GRXCR2: variants seen among roughly 807,000 people sequenced by gnomAD.
GRXCR2 encodes the protein glutaredoxin and cysteine rich domain containing 2, also known as glutaredoxin domain-containing cysteine-rich protein 2.
A neutral mutation model predicts 24.8 loss-of-function variants in GRXCR2; 23 were observed. The ratio of observed to expected loss-of-function variants is 0.93; its 90% CI spans 0.67 to 1.32. The LOEUF (loss-of-function observed/expected upper bound fraction) is 1.32. Ranked by LOEUF, GRXCR2 falls within the 40% of genes most tolerant of loss-of-function variation. GRXCR2 has a pLI of 0.00. For synonymous variants in GRXCR2, 130 were observed against 116.1 expected (o/e 1.12, Z -0.77); for missense variants, 315 against 303.4 (o/e 1.04, Z -0.28).
At chr5:145,878,156 T>G (rs1185349021) in intron 2 of GRXCR2, among the ~76,000 whole-genome samples, 1 of 152,206 alleles carries the variant, frequency 6.6e-6, no homozygotes, top group Non-Finnish European at 1.5e-5. Context: ...GGATCACACC[T>G]TCTCACCAGC....
chr5:145,882,372 A>G (rs1022607885), intron 2 of GRXCR2, among the ~76,000 whole-genome samples: 2 of 152,232 alleles, frequency 1.3e-5, no homozygotes, highest in African/African-American at 4.8e-5. Flanking sequence ...ATATGAACAG[A>G]CACTTCTCAA....
intron 2 of GRXCR2, among the ~76,000 whole-genome samples, chr5:145,908,117 C>T (rs976098126): frequency 6.6e-6 from 1 of 152,154 alleles, no homozygotes; most frequent in African/African-American, 2.4e-5. Flanking sequence ...CTTCTTTGTC[C>T]TATTTCCAAC....
chr5:145,872,894 G>A lies in GRXCR2; in HGVS notation c.75C>T (p.Ser25=), dbSNP rs144569085. The part of the protein sequence containing the change: ...KPRKVRFKIS[S]SYSGRVLKQV... Reference sequence around the variant, plus strand: ...GCTTCAATACTCGACCGCTGTAGGAGGAGGAGATTTTAAATCGTACTTTCC... The same window carrying A: ...GCTTCAATACTCGACCGCTGTAGGAAGAGGAGATTTTAAATCGTACTTTCC... Residue 25 remains serine, a synonymous_variant, in exon 1 of 3, where the codon TCC becomes TCT. Transcript: ENST00000377976. 2 of 1,614,050 alleles carry A rather than the reference G, an allele frequency of 1.2e-6. No homozygotes were observed. The highest frequency in any genetic ancestry group is 1.6e-4 in the Middle Eastern group (1 of 6,084).
chr5:145,912,255 G>A (rs1272830401), intron 2 of GRXCR2, among the ~76,000 whole-genome samples: 1 of 152,218 alleles, frequency 6.6e-6, no homozygotes, highest in Non-Finnish European at 1.5e-5. Context: ...GGAGAATACA[G>A]TGGGTCAATC....
At chr5:145,916,372 C>T (rs1757239184) in intron 2 of GRXCR2, among the ~76,000 whole-genome samples, 1 of 152,094 alleles carries the variant, frequency 6.6e-6, no homozygotes, top group African/African-American at 2.4e-5. Context: ...GACATTTTTC[C>T]AGGCTGGGGA....
At chr5:145,908,660 A>G (rs2149924775) in intron 2 of GRXCR2, among the ~76,000 whole-genome samples, 1 of 152,320 alleles carries the variant, frequency 6.6e-6, no homozygotes, top group South Asian at 2.1e-4. Context: ...ATGCTCAATT[A>G]TAATAAGCAA....
intron 2 of GRXCR2, among the ~76,000 whole-genome samples, chr5:145,894,248 T>G (rs1756914391): frequency 6.6e-6 from 1 of 151,794 alleles, no homozygotes; most frequent in Non-Finnish European, 1.5e-5. Context: ...GCAAACACAT[T>G]CAAAAGCTAG....
Position 145,859,901 on chromosome 5 carries a change from G to A in GRXCR2, c.579C>T (p.Pro193=), listed in dbSNP as rs115520168. The A allele has an allele frequency of 5.6e-4, 890 of 1,580,194 alleles. 9 individuals carry two copies. The highest frequency in any genetic ancestry group is 5.3e-3 in the East Asian group (235 of 44,404). The change falls in exon 3 of 3, where the codon CCC becomes CCT. Residue 193 remains proline, a synonymous_variant. Coordinates refer to ENST00000377976, the MANE Select transcript of GRXCR2 (RefSeq NM_001080516.2). ...CTCGGCAGTGAAAACAGCTGTCCTC[G>A]GGAATATCCCCTTCCTGCAAGAGAC... ...QNRYTQEGDI[P]EDSCFHCRGS...
At chr5:145,891,727 A>G (rs551729072) in intron 2 of GRXCR2, among the ~76,000 whole-genome samples, 1 of 152,324 alleles carries the variant, frequency 6.6e-6, no homozygotes, top group East Asian at 1.9e-4. Context: ...GCCAAACAAA[A>G]GGCAGTAGAC....
intron 2 of GRXCR2, among the ~76,000 whole-genome samples, chr5:145,862,389 G>C (rs909939706): frequency 6.6e-6 from 1 of 152,014 alleles, no homozygotes; most frequent in Non-Finnish European, 1.5e-5. Context: ...TCTTATTCTG[G>C]GTTACCACTC....
intron 2 of GRXCR2, among the ~76,000 whole-genome samples, chr5:145,907,654 G>A (rs1421718558): frequency 2.0e-5 from 3 of 152,198 alleles, no homozygotes; most frequent in Non-Finnish European, 4.4e-5. Context: ...GAGATGGTCA[G>A]CCTCTGGATC....
intron 2 of GRXCR2, among the ~76,000 whole-genome samples, chr5:145,863,343 G>A (rs1054248283): frequency 1.3e-5 from 2 of 152,212 alleles, no homozygotes; most frequent in Non-Finnish European, 2.9e-5. Flanking sequence ...AGAGTTTAAA[G>A]GACAGGCAAG....
At chr5:145,886,284 G>T (rs1019651629) in intron 2 of GRXCR2, among the ~76,000 whole-genome samples, 2 of 152,200 alleles carry the variant, frequency 1.3e-5, no homozygotes, top group Non-Finnish European at 2.9e-5. Context: ...CCAGAATGGA[G>T]AGATAGGCCA....
intron 2 of GRXCR2, among the ~76,000 whole-genome samples, chr5:145,913,339 A>G (rs967799633): frequency 2.0e-5 from 3 of 152,156 alleles, no homozygotes; most frequent in Non-Finnish European, 2.9e-5. Context: ...TCTAGGATCC[A>G]CTTCTCTTTC....
rs558346547 is a variant in GRXCR2 at position 145,907,871 on chromosome 5, A to C, written c.-70+27830T>G. On this transcript the variant is annotated intron_variant, in intron 2 of 3. Transcript: ENST00000639411. ...GATGTGGGGAAGACAGACAGGAGCA[A>C]ATTTAAGGATGAAGTTCCGGTGTTT... is the stretch of plus-strand genomic sequence containing the variant. 5.3e-5 allele frequency among the ~76,000 whole-genome samples: 8 copies of C among 152,292 alleles called. No individual in the cohort carries two copies. In the South Asian group the frequency reaches 1.2e-3, roughly 24 times the overall value.
chr5:145,913,156 C>T lies in GRXCR2; in HGVS notation c.-70+22545G>A, dbSNP rs186069852. 2.0e-5 allele frequency among the ~76,000 whole-genome samples: 3 copies of T among 152,338 alleles called. No individual in the cohort carries two copies. The East Asian group carries it at 5.8e-4, about 29-fold the overall frequency. The stretch of plus-strand genomic sequence containing the variant: ...CATCTACATGGTACATTCATCATAA[C>T]TGCAACATTAATGTGGGTAGATTAC... On this transcript the variant is annotated intron_variant, in intron 2 of 3. Coordinates refer to the GRXCR2 transcript ENST00000639411.
intron 1 of GRXCR2, among the ~76,000 whole-genome samples, chr5:145,871,042 G>C (rs950664330): frequency 2.0e-5 from 3 of 152,024 alleles, no homozygotes; most frequent in African/African-American, 7.2e-5. Context: ...CTGCACTCCA[G>C]CCTGGTTGAC....
intron 2 of GRXCR2, among the ~76,000 whole-genome samples, chr5:145,905,057 C>T (rs1051155787): frequency 1.3e-5 from 2 of 152,176 alleles, no homozygotes; most frequent in Non-Finnish European, 2.9e-5. Flanking sequence ...CATCCATGCT[C>T]AGAGCCACTG....
At chr5:145,870,258 C>A (rs1756507390) in intron 1 of GRXCR2, among the ~76,000 whole-genome samples, 1 of 152,064 alleles carries the variant, frequency 6.6e-6, no homozygotes, top group African/African-American at 2.4e-5. Context: ...CCAGCCCCTG[C>A]CAACCACCAT....
Sources: gnomAD v4.1 joint callset for allele counts (sites outside exome capture counted in the v4.1 genomes callset) on GRCh38, gnomAD v4.1.1 for gene constraint, MANE v1.5 for transcripts, NCBI Gene and HGNC (gene_info 2026-07-23, HGNC 2026-07-21) for gene names.